Variants in ZNF669 observed in about 807,000 individuals in gnomAD.
ZNF669 encodes the protein zinc finger protein 669.
Under a neutral mutation model 11.4 loss-of-function variants are expected in ZNF669, and 7 were observed. The observed-to-expected ratio is 0.62, with a 90% CI of 0.35 to 1.16. The LOEUF (loss-of-function observed/expected upper bound fraction) is 1.16. ZNF669 is among the 50% of genes most tolerant of loss of function. ZNF669 has a pLI of 0.02. For synonymous variants in ZNF669, 153 were observed against 155.8 expected (o/e 0.98, Z 0.13); for missense variants, 492 against 463.6 (o/e 1.06, Z -0.56).
Position 247,100,059 on chromosome 1 carries a change from A to T in ZNF669, c.*315T>A, listed in dbSNP as rs542086377. On this transcript the variant is annotated 3_prime_UTR_variant, in exon 4 of 4. Transcript: ENST00000448299. The stretch of plus-strand genomic sequence containing the variant: ...AAGTGCAGTGGTGCGATCTCGGCTC[A>T]CTGCAAGTTCCGCCTCCCGGGTTCA... 6.2e-5 allele frequency: 15 copies of T among 240,068 alleles called. No individual in the cohort carries two copies. In the South Asian group the frequency reaches 1.3e-3, roughly 21 times the overall value. The allele number at this position is 240,068 out of a possible 1,614,324, so 14.9% of individuals were successfully genotyped here.
chr1:247,100,905 A>G lies in ZNF669; in HGVS notation c.606T>C (p.Thr202=). 1.2e-6 allele frequency: 2 copies of G among 1,614,146 alleles called. No homozygotes were observed. The highest frequency in any genetic ancestry group is 1.7e-6 in the Non-Finnish European group (2 of 1,180,034). Residue 202 remains threonine (T), a synonymous_variant, in exon 4 of 4, where the codon ACT becomes ACC. Coordinates refer to ENST00000448299, the MANE Select transcript of ZNF669 (RefSeq NM_001142572.2). ...CATGTATTAGACAAGAACCGGAAACAGTGAATGCTTTACCACATTGTTTAC... is the reference window on the plus strand; with the variant it reads ...CATGTATTAGACAAGAACCGGAAACGGTGAATGCTTTACCACATTGTTTAC... The part of the protein sequence containing the change: ...YKCKQCGKAF[T]VSGSCLIHER...
chr1:247,101,883 TG>T, intron 2 of ZNF669, 92 bp from the exon 3 acceptor site: 1 of 1,600,040 alleles, frequency 6.2e-7, no homozygotes, highest in Non-Finnish European at 8.6e-7. Context: ...TGCCCATGCC[TG>T]ATTTATTCAC....
At position 247,100,996 on chromosome 1, in the gene ZNF669, G is replaced by C; in HGVS notation, c.515C>G (p.Ala172Gly). The part of the protein sequence containing the change: ...PAYKCTICGK[A>G]FYFLNSVERH... Reference sequence around the variant, plus strand: ...TTCAACTGAATTGAGAAAATAAAAAGCTTTCCCACATATCGTACATTTATA... The same window carrying C: ...TTCAACTGAATTGAGAAAATAAAAACCTTTCCCACATATCGTACATTTATA... The change falls in exon 4 of 4, where the codon GCT becomes GGT. Residue 172 changes from alanine to glycine, a missense_variant. Transcript: ENST00000448299. 1.2e-6 allele frequency: 2 copies of C among 1,613,334 alleles called. No homozygotes were observed. Among genetic ancestry groups the C allele is most frequent in the South Asian group, 1.1e-5 (1 of 90,906 alleles).
intron 1 of ZNF669, chr1:247,103,940 T>G: frequency 6.3e-7 from 1 of 1,598,344 alleles, no homozygotes; most frequent in Non-Finnish European, 8.5e-7. Context: ...CCACACTACC[T>G]GGATAGGGGA....
rs780756499 is a variant in ZNF669, at chr1:247,100,469, T to G, written c.1042A>C (p.Thr348Pro). Residue 348 changes from threonine to proline, a missense_variant, in exon 4 of 4, where the codon ACT becomes CCT. By Grantham distance (38) the Thr-to-Pro change is conservative (BLOSUM62 -1). Coordinates refer to ENST00000448299, the MANE Select transcript of ZNF669 (RefSeq NM_001142572.2). Reference protein sequence around the residue: ...GKAYTRSSHLTRHERSHDIEA... With the variant: ...GKAYTRSSHLPRHERSHDIEA... ...ATATCATGACTTCTTTCATGGCGAG[T>G]AAGGTGACTGGAACGAGTGTAGGCT... 2 of 1,614,010 alleles carry G rather than the reference T, an allele frequency of 1.2e-6. No homozygotes were observed. The highest frequency in any genetic ancestry group is 2.7e-5 in the African/African-American group (2 of 74,882).
Position 247,103,064 on chromosome 1 carries a change from G to A in ZNF669, c.4-951C>T, listed in dbSNP as rs776349332. ...AATGACAAATGTCTAATGATTTTCAGTCATCTAAAAAAAGAGTTATGTCTT... is the reference window on the plus strand; with the variant it reads ...AATGACAAATGTCTAATGATTTTCAATCATCTAAAAAAAGAGTTATGTCTT... On this transcript the variant is annotated intron_variant, in intron 1 of 3. Transcript: ENST00000448299. 5.3e-5 allele frequency among the ~76,000 whole-genome samples: 8 copies of A among 151,988 alleles called. No individual in the cohort carries two copies. In the South Asian group the frequency reaches 6.2e-4, roughly 12 times the overall value.
In ZNF669 at chr1:247,101,754, G is replaced by A. The variant is rs61730464; in HGVS notation, c.168C>T (p.Phe56=). Reference sequence around the variant, plus strand: ...ACCTTATATCTTTCCCAGGTTTTTCGAAGTGATCTTCAATATTCTGGTCTT... The same window carrying A: ...ACCTTATATCTTTCCCAGGTTTTTCAAAGTGATCTTCAATATTCTGGTCTT... ...QWKDQNIEDH[F]EKPGKDIRNH... Residue 56 remains phenylalanine, a synonymous_variant, in exon 3 of 4, where the codon TTC becomes TTT. Transcript: ENST00000448299. 475 of 1,613,634 alleles carry A rather than the reference G, an allele frequency of 2.9e-4. 1 individual carries two copies. The African/African-American group carries it at 5.2e-3, about 18-fold the overall frequency.
rs537693524 is a variant in ZNF669, at chr1:247,102,208, A to G, written c.4-95T>C. On this transcript the variant is annotated intron_variant, in intron 1 of 3. Transcript: ENST00000448299. ...CATAAGCTGTTTACATGATTTGATA[A>G]TTTCCAAGCATTTATTCTATGACTT... is the stretch of plus-strand genomic sequence containing the variant. 1.4e-4 allele frequency: 195 copies of G among 1,406,624 alleles called. 1 individual carries two copies. The African/African-American group carries it at 2.7e-3, about 20-fold the overall frequency. 87.1% of individuals were successfully genotyped at this position (1,406,624 alleles called of 1,614,324 possible).
chr1:247,100,744 G>A lies in ZNF669; in HGVS notation c.767C>T (p.Ala256Val). ...ACGAAGGGAAGTGGAACAGCTGAAGGCTTTATCACATTTGGTACATTTATA... is the reference window on the plus strand; with the variant it reads ...ACGAAGGGAAGTGGAACAGCTGAAGACTTTATCACATTTGGTACATTTATA... ...RPYKCTKCDKAFSCSTSLRYH... is the reference protein window; with the variant it reads ...RPYKCTKCDKVFSCSTSLRYH... Residue 256 changes from alanine (A) to valine (V), a missense_variant, in exon 4 of 4, where the codon GCC becomes GTC. Coordinates refer to ENST00000448299, the MANE Select transcript of ZNF669 (RefSeq NM_001142572.2). 6.2e-7 allele frequency: 1 copy of A among 1,614,162 alleles called. No individual in the cohort carries two copies. The highest frequency in any genetic ancestry group is 8.5e-7 in the Non-Finnish European group (1 of 1,180,024).
At chr1:247,102,540 A>G (rs1671745424) in intron 1 of ZNF669, among the ~76,000 whole-genome samples, 1 of 152,252 alleles carries the variant, frequency 6.6e-6, no homozygotes, top group African/African-American at 2.4e-5. Flanking sequence ...TACATTTTGA[A>G]AGGGATTCCA....
In ZNF669 at chr1:247,100,140, A is replaced by G. The variant is rs970645502; in HGVS notation, c.*234T>C. On this transcript the variant is annotated 3_prime_UTR_variant, in exon 4 of 4. Coordinates refer to ENST00000448299, the MANE Select transcript of ZNF669 (RefSeq NM_001142572.2). ...ACTGGGACCACAGGCGTCTGCCACCACGCCCAGCTAATTTTTTGTATTTTT... is the reference window on the plus strand; with the variant it reads ...ACTGGGACCACAGGCGTCTGCCACCGCGCCCAGCTAATTTTTTGTATTTTT... The G allele has an allele frequency of 2.4e-4, 94 of 395,282 alleles. 1 individual carries two copies. Among genetic ancestry groups the G allele is most frequent in the Admixed American group, 8.1e-4 (19 of 23,420 alleles). 24.5% of individuals were successfully genotyped at this position (395,282 alleles called of 1,614,324 possible).
intron 1 of ZNF669, 98 bp downstream of exon 1, chr1:247,104,099 A>C: frequency 6.3e-7 from 1 of 1,596,788 alleles, no homozygotes; most frequent in Non-Finnish European, 8.5e-7. Context: ...CTCGGTCCGC[A>C]GGTTCCGGAG....
At position 247,102,000 on chromosome 1, in the gene ZNF669, GTTCCTGCAGGT is replaced by G; in HGVS notation, c.106_116del (p.Thr36ProfsTer14). ...TGTCATTCTTACCTACAGAAGCCAG[GTTCCTGCAGGT>G]TTCCTGCATCACTTCTCTGTAGAGA... On this transcript the variant is annotated frameshift_variant, in exon 2 of 4. Transcript: ENST00000448299. LOFTEE classifies it high-confidence loss of function. The G allele has an allele frequency of 1.2e-6, 2 of 1,613,964 alleles. No individual in the cohort carries two copies. Among genetic ancestry groups the G allele is most frequent in the Non-Finnish European group, 1.7e-6 (2 of 1,179,950 alleles).
At position 247,100,917 on chromosome 1, in the gene ZNF669, A is replaced by G. The variant is rs1481803831; in HGVS notation, c.594T>C (p.Gly198=). The G allele has an allele frequency of 1.2e-6, 2 of 1,613,902 alleles. No homozygotes were observed. The highest frequency in any genetic ancestry group is 2.7e-5 in the African/African-American group (2 of 74,930). Residue 198 remains glycine, a synonymous_variant, in exon 4 of 4, where the codon GGT becomes GGC. Transcript: ENST00000448299. ...AAGAACCGGAAACAGTGAATGCTTT[A>G]CCACATTGTTTACATTTATAGGGTT... The part of the protein sequence containing the change: ...GEKPYKCKQC[G]KAFTVSGSCL...
chr1:247,101,163 G>A lies in ZNF669; in HGVS notation c.348C>T (p.Ser116=), dbSNP rs1449763814. Reference sequence around the variant, plus strand: ...GAGCTAGGATATGCCTATTAAGGAGGGAATGACGTACAAAGACTTTTCCAC... The same window carrying A: ...GAGCTAGGATATGCCTATTAAGGAGAGAATGACGTACAAAGACTTTTCCAC... ...SICGKVFVRH[S]LLNRHILAHS... The change falls in exon 4 of 4, where the codon TCC becomes TCT. Residue 116 remains serine (S), a synonymous_variant. Transcript: ENST00000448299. The A allele has an allele frequency of 1.2e-6, 2 of 1,614,062 alleles. No individual in the cohort carries two copies. The highest frequency in any genetic ancestry group is 1.7e-6 in the Non-Finnish European group (2 of 1,180,014).
chr1:247,101,306 G>C lies in ZNF669; in HGVS notation c.205C>G (p.Gln69Glu). 1 of 1,562,434 alleles carries C rather than the reference G, an allele frequency of 6.4e-7. No individual in the cohort carries two copies. Among genetic ancestry groups the C allele is most frequent in the South Asian group, 1.2e-5 (1 of 82,748 alleles). ...TCTTCTTTACTTTCACACAGTCTCTGTACGATATGATTTCTGTAAAAAAAT... is the reference window on the plus strand; with the variant it reads ...TCTTCTTTACTTTCACACAGTCTCTCTACGATATGATTTCTGTAAAAAAAT... ...PGKDIRNHIV[Q>E]RLCESKEDGQ... The change falls in exon 4 of 4, where the codon CAG (glutamine) becomes GAG (glutamate). Residue 69 changes from glutamine to glutamate, a missense_variant. Coordinates refer to ENST00000448299, the MANE Select transcript of ZNF669 (RefSeq NM_001142572.2).
chr1:247,102,942 A>C (rs1036060241), intron 1 of ZNF669, among the ~76,000 whole-genome samples: 2 of 152,236 alleles, frequency 1.3e-5, no homozygotes, highest in African/African-American at 2.4e-5. Context: ...AAATGACATT[A>C]ATGTCACCAC....
chr1:247,101,646 AT>A, intron 3 of ZNF669, 84 bp downstream of exon 3: 5 of 1,291,374 alleles, frequency 3.9e-6, no homozygotes, highest in Non-Finnish European at 5.4e-6. Flanking sequence ...AGTGACTCTT[AT>A]TTGTTTTGAT....
rs534260035 is a variant in ZNF669 at position 247,103,843 on chromosome 1, C to T, written c.3+354G>A. On this transcript the variant is annotated intron_variant, in intron 1 of 3. Transcript: ENST00000448299. ...AGGGGAAGAAAGGTGGGACTGGAAG[C>T]CCCATGAACCACAGCTCCTCCCATG... 1,147 of 1,383,524 alleles carry T rather than the reference C, an allele frequency of 8.3e-4. 1 individual carries two copies. The highest frequency in any genetic ancestry group is 1.0e-3 in the Non-Finnish European group (1,058 of 1,041,260). 85.7% of individuals were successfully genotyped at this position (1,383,524 alleles called of 1,614,324 possible). A position where few individuals can be genotyped will look rare whatever the true frequency, so the allele number is the denominator to read the frequency against.
Sources: gnomAD v4.1 joint callset for allele counts (sites outside exome capture counted in the v4.1 genomes callset) on GRCh38, gnomAD v4.1.1 for gene constraint, MANE v1.5 for transcripts, NCBI Gene and HGNC (gene_info 2026-07-23, HGNC 2026-07-21) for gene names.